The following USH2A variants were observed in gnomAD, a reference collection of about 807,000 sequenced individuals.
The protein encoded by USH2A is Usher syndrome 2A (autosomal recessive, mild).
In USH2A, 443 loss-of-function variants were observed where a neutral mutation model predicts 538.9. The ratio of observed to expected loss-of-function variants is 0.82; its 90% confidence interval spans 0.76 to 0.89. The LOEUF (loss-of-function observed/expected upper bound fraction) is 0.89, where lower values mean the gene tolerates loss of function less well. Ranked by LOEUF, USH2A falls within the 40% of genes least tolerant of loss-of-function variation. The pLI, the probability that USH2A is intolerant of heterozygous loss-of-function variation, is 0.00. For missense variants in USH2A, 6,633 were observed against 6,324.8 expected (o/e 1.05, Z -1.65); for synonymous variants, 2,413 against 2,273.5 (o/e 1.06, Z -1.75).
At chr1:215,887,120 G>A (rs778970643) in intron 41 of USH2A, among the ~76,000 whole-genome samples, 8 of 152,166 alleles carry the variant, frequency 5.3e-5, no homozygotes, top group Non-Finnish European at 1.2e-4. Flanking sequence ...GCCTCCCAAA[G>A]TACTGGGATT....
At chr1:215,872,958 C>T (rs1664661466) in intron 43 of USH2A, among the ~76,000 whole-genome samples, 2 of 152,078 alleles carry the variant, frequency 1.3e-5, no homozygotes, top group African/African-American at 2.4e-5. Context: ...AAGACGCTGG[C>T]ACCAGGCTTC....
At chr1:215,993,981 T>C (rs971024275) in intron 34 of USH2A, among the ~76,000 whole-genome samples, 7 of 152,140 alleles carry the variant, frequency 4.6e-5, no homozygotes, top group African/African-American at 7.2e-5. Flanking sequence ...CTCCAGGAAA[T>C]TGATAAATAC....
intron 32 of USH2A, among the ~76,000 whole-genome samples, chr1:216,041,259 C>T (rs1156988478): frequency 1.3e-5 from 2 of 151,976 alleles, no homozygotes; most frequent in Non-Finnish European, 2.9e-5. Context: ...AACTGACCCA[C>T]CATACTACTA....
intron 61 of USH2A, among the ~76,000 whole-genome samples, chr1:215,723,037 G>C (rs890781512): frequency 1.1e-4 from 16 of 152,118 alleles, no homozygotes; most frequent in Admixed American, 3.9e-4. Context: ...GCTAAATACA[G>C]TTTCTTTCCT....
At chr1:216,413,878 TTGACACTA>T (rs2039533338) in intron 3 of USH2A, among the ~76,000 whole-genome samples, 1 of 152,138 alleles carries the variant, frequency 6.6e-6, no homozygotes, top group Non-Finnish European at 1.5e-5. Context: ...TGATGATTCT[TTGACACTA>T]TTTGGGCTAT....
chr1:215,627,111 T>C (rs1656053788), intron 71 of USH2A, among the ~76,000 whole-genome samples: 1 of 152,140 alleles, frequency 6.6e-6, no homozygotes, highest in Non-Finnish European at 1.5e-5. Context: ...GATGGTACAT[T>C]TTTTTATATA....
chr1:216,383,847 T>C (rs2102736959), intron 3 of USH2A, among the ~76,000 whole-genome samples: 1 of 139,250 alleles, frequency 7.2e-6, no homozygotes, highest in African/African-American at 3.2e-5. Context: ...GCTAATTTTT[T>C]TTCTTTCTTT....
At chr1:215,699,268 G>T (rs958534627) in intron 61 of USH2A, among the ~76,000 whole-genome samples, 5 of 152,074 alleles carry the variant, frequency 3.3e-5, no homozygotes, top group African/African-American at 1.2e-4. Flanking sequence ...CTCCAGCTTT[G>T]TTCTTTTTGC....
chr1:215,834,410 T>A (rs1445442948), intron 47 of USH2A, among the ~76,000 whole-genome samples: 1 of 152,166 alleles, frequency 6.6e-6, no homozygotes. Context: ...AAATCTTAAA[T>A]GCATTATGCT....
chr1:215,810,429 G>T (rs978839670), intron 49 of USH2A, among the ~76,000 whole-genome samples: 1 of 152,162 alleles, frequency 6.6e-6, no homozygotes, highest in Non-Finnish European at 1.5e-5. Context: ...AGTCTCCTGA[G>T]TTAGCAGCAG....
rs1393434590 is a variant in USH2A at position 215,648,668 on chromosome 1, G to A, written c.14442C>T (p.Cys4814=). The change falls in exon 66 of 72, where the codon TGC becomes TGT. Residue 4814 remains cysteine (C), a synonymous_variant. Coordinates refer to ENST00000307340, the MANE Select transcript of USH2A (RefSeq NM_206933.4). The part of the protein sequence containing the change: ...GVEACTCFNC[C]SKGPTAELRT... Reference sequence around the variant, plus strand: ...TCAGTTCAGCTGTCGGTCCTTTGCTGCAACAGTTGAAGCAGGTGCAGGCCT... The same window carrying A: ...TCAGTTCAGCTGTCGGTCCTTTGCTACAACAGTTGAAGCAGGTGCAGGCCT... 6.2e-7 allele frequency: 1 copy of A among 1,614,200 alleles called. No individual in the cohort carries two copies. The highest frequency in any genetic ancestry group is 1.1e-5 in the South Asian group (1 of 91,082).
At chr1:216,130,501 A>G (rs1320619970) in intron 21 of USH2A, among the ~76,000 whole-genome samples, 1 of 148,238 alleles carries the variant, frequency 6.7e-6, no homozygotes, top group Non-Finnish European at 1.5e-5. Context: ...ATTCCTTTGT[A>G]TGGCTGAGTA....
chr1:216,127,791 C>A (rs1227951430), intron 21 of USH2A, among the ~76,000 whole-genome samples: 1 of 152,128 alleles, frequency 6.6e-6, no homozygotes, highest in East Asian at 1.9e-4. Flanking sequence ...ATCCCGCATT[C>A]TTTTATTAAT....
intron 31 of USH2A, among the ~76,000 whole-genome samples, chr1:216,047,047 T>C (rs1213356147): frequency 6.6e-6 from 1 of 152,208 alleles, no homozygotes; most frequent in African/African-American, 2.4e-5. Context: ...GTCAATTACA[T>C]ATGAAAACTT....
intron 37 of USH2A, among the ~76,000 whole-genome samples, chr1:215,941,544 A>G (rs1369087912): frequency 6.6e-6 from 1 of 152,128 alleles, no homozygotes; most frequent in Non-Finnish European, 1.5e-5. Flanking sequence ...ATATACTCTC[A>G]TAGAAAGTGG....
chr1:216,247,045 G>T lies in USH2A; in HGVS notation c.2349C>A (p.Asn783Lys). The T allele has an allele frequency of 6.2e-7, 1 of 1,614,036 alleles. No homozygotes were observed. Among genetic ancestry groups the T allele is most frequent in the Non-Finnish European group, 8.5e-7 (1 of 1,179,964 alleles). Residue 783 changes from asparagine to lysine, a missense_variant, in exon 13 of 72, where the codon AAC becomes AAA. Asn to Lys is a moderately conservative substitution (Grantham distance 94). Coordinates refer to ENST00000307340, the MANE Select transcript of USH2A (RefSeq NM_206933.4). ...AATTGGTGACATCTAACCCATAAAA[G>T]TTTTCTCTGCAGGTGTCACACTGAA... ...KGLQCDTCRE[N>K]FYGLDVTNCK...
intron 38 of USH2A, among the ~76,000 whole-genome samples, chr1:215,906,173 G>C (rs949674231): frequency 2.0e-5 from 3 of 152,024 alleles, no homozygotes; most frequent in African/African-American, 7.2e-5. Flanking sequence ...AGTCAACCTT[G>C]AACACAAGGA....
At chr1:215,995,450 C>A (rs1668112553) in intron 34 of USH2A, among the ~76,000 whole-genome samples, 1 of 152,154 alleles carries the variant, frequency 6.6e-6, no homozygotes, top group Non-Finnish European at 1.5e-5. Flanking sequence ...CCTAAGTAAG[C>A]AGGACATTAT....
chr1:215,667,539 A>C (rs1403372752), intron 64 of USH2A, among the ~76,000 whole-genome samples: 1 of 152,054 alleles, frequency 6.6e-6, no homozygotes, highest in Non-Finnish European at 1.5e-5. Context: ...TCTACTAAAA[A>C]TACAAAAAAA....
Sources: gnomAD v4.1 joint callset for allele counts (sites outside exome capture counted in the v4.1 genomes callset) on GRCh38, gnomAD v4.1.1 for gene constraint, MANE v1.5 for transcripts, NCBI Gene and HGNC (gene_info 2026-07-23, HGNC 2026-07-21) for gene names.